GALNTL6: variants seen among roughly 807,000 people sequenced by gnomAD.
GALNTL6 encodes polypeptide N-acetylgalactosaminyltransferase like 6, also known as polypeptide N-acetylgalactosaminyltransferase-like 6.
Under a neutral mutation model 73.7 loss-of-function variants are expected in GALNTL6, and 46 were observed. The ratio of observed to expected loss-of-function variants is 0.62; its 90% confidence interval spans 0.49 to 0.80. The LOEUF is 0.80. Among genes scored for constraint, GALNTL6 ranks in the 30% least tolerant of loss-of-function variants. The pLI is 0.00. For missense variants in GALNTL6, 604 were observed against 755.0 expected (o/e 0.80, Z 2.34); for synonymous variants, 259 against 263.7 (o/e 0.98, Z 0.17).
At chr4:172,342,504 ATTTATG>A (rs548353493) in intron 4 of GALNTL6, among the ~76,000 whole-genome samples, 162 of 152,250 alleles carry the variant, frequency 1.1e-3, no homozygotes, top group African/African-American at 3.7e-3. Flanking sequence ...TTGTAAAATA[ATTTATG>A]TTTAACTCTC....
At chr4:172,372,280 G>T (rs1404908080) in intron 5 of GALNTL6, among the ~76,000 whole-genome samples, 1 of 152,132 alleles carries the variant, frequency 6.6e-6, no homozygotes, top group African/African-American at 2.4e-5. Flanking sequence ...CCCATCGTCT[G>T]GGAGAAAAGT....
chr4:172,214,563 G>A (rs1736434120), intron 2 of GALNTL6, among the ~76,000 whole-genome samples: 1 of 143,704 alleles, frequency 7.0e-6, no homozygotes, highest in Admixed American at 7.2e-5. Context: ...CACCCAGGCT[G>A]GAGTGCAGTG....
chr4:172,587,991 G>C (rs1193800662), intron 5 of GALNTL6, among the ~76,000 whole-genome samples: 1 of 152,010 alleles, frequency 6.6e-6, no homozygotes. Context: ...CCCATAGTAG[G>C]CCCTCGAAAA....
chr4:172,909,881 G>T (rs1472745219), intron 8 of GALNTL6, among the ~76,000 whole-genome samples: 1 of 151,824 alleles, frequency 6.6e-6, no homozygotes, highest in Non-Finnish European at 1.5e-5. Context: ...AAACACTAAA[G>T]ATTTATCACT....
Position 173,040,553 on chromosome 4 carries a change from G to A in GALNTL6, c.*453G>A, listed in dbSNP as rs564358627. The A allele has an allele frequency of 6.5e-6, 1 of 154,920 alleles. No homozygotes were observed. The highest frequency in any genetic ancestry group is 2.0e-4 in the South Asian group (1 of 4,896). 9.6% of individuals were successfully genotyped at this position (154,920 alleles called of 1,614,324 possible). ...TAAGGGGTGAGCTGTACTCTTTGGT[G>A]CCATTCTCTGACTAAGAATGGGTTC... On this transcript the variant is annotated 3_prime_UTR_variant, in exon 13 of 13. Coordinates refer to ENST00000506823, the MANE Select transcript of GALNTL6 (RefSeq NM_001034845.3).
chr4:173,023,650 G>A (rs1333158842), intron 12 of GALNTL6, among the ~76,000 whole-genome samples: 6 of 150,740 alleles, frequency 4.0e-5, no homozygotes, highest in African/African-American at 1.2e-4. Context: ...CGACAAGAGC[G>A]AAACTCCATC....
intron 10 of GALNTL6, among the ~76,000 whole-genome samples, chr4:172,975,179 T>C (rs1203766625): frequency 6.6e-6 from 1 of 152,154 alleles, no homozygotes; most frequent in African/African-American, 2.4e-5. Flanking sequence ...AACTGCAGGG[T>C]GAGCAAGGTG....
chr4:171,924,614 T>C (rs1297391506), intron 2 of GALNTL6, among the ~76,000 whole-genome samples: 1 of 152,210 alleles, frequency 6.6e-6, no homozygotes, highest in African/African-American at 2.4e-5. Context: ...GATCAGGTGC[T>C]ATTCATCTTT....
chr4:172,310,806 GA>G (rs1441363384), intron 3 of GALNTL6, among the ~76,000 whole-genome samples: 6 of 151,330 alleles, frequency 4.0e-5, no homozygotes, highest in African/African-American at 1.5e-4. Flanking sequence ...AATTATAAAA[GA>G]AAAAAGTAAA....
intron 2 of GALNTL6, among the ~76,000 whole-genome samples, chr4:171,987,707 C>T (rs962177506): frequency 3.3e-5 from 5 of 152,242 alleles, no homozygotes; most frequent in South Asian, 2.1e-4. Flanking sequence ...TTCTAAGAGG[C>T]GGGCTAGTGG....
intron 5 of GALNTL6, among the ~76,000 whole-genome samples, chr4:172,607,053 A>G (rs1248274096): frequency 2.0e-5 from 3 of 152,106 alleles, no homozygotes; most frequent in East Asian, 1.9e-4. Flanking sequence ...TCATGAGTAG[A>G]TATTTGGACT....
intron 8 of GALNTL6, among the ~76,000 whole-genome samples, chr4:172,889,842 C>T (rs1472239352): frequency 2.6e-5 from 4 of 152,178 alleles, no homozygotes; most frequent in South Asian, 4.1e-4. Flanking sequence ...AGCAGCTCTT[C>T]GTTGTATGGT....
intron 5 of GALNTL6, among the ~76,000 whole-genome samples, chr4:172,490,200 T>C (rs931036762): frequency 6.6e-6 from 1 of 152,162 alleles, no homozygotes; most frequent in Non-Finnish European, 1.5e-5. Context: ...TGAGTTGAAC[T>C]AAAAATGAAA....
intron 2 of GALNTL6, among the ~76,000 whole-genome samples, chr4:171,940,820 A>AAAATAAATAAATAAATAAAT (rs372040035): frequency 1.2e-5 from 1 of 83,236 alleles, no homozygotes; most frequent in African/African-American, 3.6e-5. Context: ...TCCATCTCAG[A>AAAATAAATAAATAAATAAAT]AAATAAATAA....
At chr4:172,692,447 T>C (rs1733367194) in intron 5 of GALNTL6, among the ~76,000 whole-genome samples, 1 of 152,166 alleles carries the variant, frequency 6.6e-6, no homozygotes, top group Non-Finnish European at 1.5e-5. Flanking sequence ...TACCAAGTTG[T>C]ACTCATATCA....
intron 2 of GALNTL6, among the ~76,000 whole-genome samples, chr4:172,005,147 C>T (rs1740798635): frequency 6.6e-6 from 1 of 151,516 alleles, no homozygotes; most frequent in Non-Finnish European, 1.5e-5. Context: ...ATTTTTGAGA[C>T]AGGGTCTCAC....
chr4:171,863,135 C>T (rs141530401), intron 2 of GALNTL6, among the ~76,000 whole-genome samples: 116 of 152,144 alleles, frequency 7.6e-4, no homozygotes, highest in Admixed American at 1.9e-3. Flanking sequence ...CATGAAGTTG[C>T]GTGAAATACC....
rs1735443146 is a variant in GALNTL6, at chr4:171,848,745, A to G, written c.138+34027A>G. Among the ~76,000 whole-genome samples the G allele has an allele frequency of 4.6e-5, 7 of 152,142 alleles. No homozygotes were observed. In the South Asian group the frequency reaches 1.5e-3, roughly 32 times the overall value. ...TTTCCTCACATCTCTTGTCCTTCAT[A>G]GCATTGTAGAGAGCTAAGGCCTTGC... On this transcript the variant is annotated intron_variant, in intron 2 of 12. Coordinates refer to ENST00000506823, the MANE Select transcript of GALNTL6 (RefSeq NM_001034845.3).
At chr4:172,353,697 G>T (rs1157120064) in intron 5 of GALNTL6, among the ~76,000 whole-genome samples, 1 of 151,188 alleles carries the variant, frequency 6.6e-6, no homozygotes, top group Non-Finnish European at 1.5e-5. Context: ...TTTATGCCAA[G>T]TTCACAAGGA....
Sources: gnomAD v4.1 joint callset for allele counts (sites outside exome capture counted in the v4.1 genomes callset) on GRCh38, gnomAD v4.1.1 for gene constraint, MANE v1.5 for transcripts, NCBI Gene and HGNC (gene_info 2026-07-23, HGNC 2026-07-21) for gene names.